KYNU: variants seen among roughly 807,000 people sequenced by gnomAD.
KYNU encodes kynureninase.
Under a neutral mutation model 59.2 loss-of-function variants are expected in KYNU, and 54 were observed. The ratio of observed to expected loss-of-function variants is 0.91; its 90% CI spans 0.73 to 1.14. The LOEUF (loss-of-function observed/expected upper bound fraction) is 1.14, where lower values mean the gene tolerates loss of function less well. KYNU is among the 50% of genes most tolerant of loss of function. The pLI, the probability that KYNU is intolerant of heterozygous loss-of-function variation, is 0.00. For missense variants in KYNU, 567 were observed against 554.4 expected, an observed-to-expected ratio of 1.02 and a Z score of -0.23; for synonymous variants, 177 against 192.0, an observed-to-expected ratio of 0.92 and a Z score of 0.65.
rs1685726330 is a variant in KYNU, at chr2:143,002,264, AT to A, written c.902+16244del. Among the ~76,000 whole-genome samples the A allele has an allele frequency of 3.3e-5, 5 of 152,346 alleles. 1 individual carries two copies. The highest frequency in any genetic ancestry group is 6.8e-3 in the Middle Eastern group (2 of 294). ...CTTTGTAAACAATCATATTGTACTT[AT>A]ACTTTTTCAGATATAAAGCACTTTT... On this transcript the variant is annotated intron_variant, in intron 10 of 13. Coordinates refer to ENST00000264170, the MANE Select transcript of KYNU (RefSeq NM_003937.3).
intron 5 of KYNU, 43 bp downstream of exon 5, chr2:142,954,914 C>T (rs1684114686): frequency 8.4e-7 from 1 of 1,197,150 alleles, no homozygotes; most frequent in Non-Finnish European, 1.2e-6. Flanking sequence ...CATTCATTTA[C>T]AGAATCTGAT....
rs1247168266 is a variant in KYNU, at chr2:143,055,675, G to T, written c.*13503G>T. 1.3e-5 allele frequency: 2 copies of T among 152,282 alleles called. No homozygotes were observed. Among genetic ancestry groups the T allele is most frequent in the Non-Finnish European group, 2.9e-5 (2 of 68,066 alleles). The allele number at this position is 152,282 out of a possible 1,614,324, so 9.4% of individuals were successfully genotyped here. A position where few individuals can be genotyped will look rare whatever the true frequency, so the allele number is the denominator to read the frequency against. On this transcript the variant is annotated 3_prime_UTR_variant, in exon 14 of 14. Coordinates refer to ENST00000264170, the MANE Select transcript of KYNU (RefSeq NM_003937.3). ...GGAAGGAAGGAAGGAAGGAAGGAAG[G>T]AAGGAAGGAAAGGGAGGAGAGGAGA...
At chr2:142,901,696 C>G (rs1376954064) in intron 2 of KYNU, among the ~76,000 whole-genome samples, 1 of 152,088 alleles carries the variant, frequency 6.6e-6, no homozygotes, top group African/African-American at 2.4e-5. Flanking sequence ...TACCCTTTTC[C>G]CTTTTTTTAA....
chr2:143,031,194 T>C (rs1451617994), intron 11 of KYNU, among the ~76,000 whole-genome samples: 1 of 152,212 alleles, frequency 6.6e-6, no homozygotes, highest in African/African-American at 2.4e-5. Context: ...TAATTAGATC[T>C]GTTATTATAC....
At chr2:142,887,085 G>T (rs1012339645) in intron 2 of KYNU, among the ~76,000 whole-genome samples, 1 of 152,084 alleles carries the variant, frequency 6.6e-6, no homozygotes, top group South Asian at 2.1e-4. Flanking sequence ...CAGGAGAATG[G>T]CTTGAACCCG....
rs915841874 is a variant in KYNU, at chr2:143,046,290, T to C, written c.*4118T>C. 6.6e-6 allele frequency: 1 copy of C among 152,208 alleles called. No individual in the cohort carries two copies. Among genetic ancestry groups the C allele is most frequent in the Non-Finnish European group, 1.5e-5 (1 of 68,044 alleles). 9.4% of individuals were successfully genotyped at this position (152,208 alleles called of 1,614,324 possible). A position where few individuals can be genotyped will look rare whatever the true frequency, so the allele number is the denominator to read the frequency against. On this transcript the variant is annotated 3_prime_UTR_variant, in exon 14 of 14. Coordinates refer to ENST00000264170, the MANE Select transcript of KYNU (RefSeq NM_003937.3). ...CATGAATATTGTATCAATGCAATTATACTGTATATATTCTGCTTTTGCACA... is the reference window on the plus strand; with the variant it reads ...CATGAATATTGTATCAATGCAATTACACTGTATATATTCTGCTTTTGCACA...
Position 143,042,209 on chromosome 2 carries a change from A to T in KYNU, c.*37A>T. On this transcript the variant is annotated 3_prime_UTR_variant, in exon 14 of 14. Transcript: ENST00000264170. ...AGAACAACTTAAGCAAATTATACTG[A>T]AAGCTGCTGTGGTTATTTCAGTATT... 6.3e-7 allele frequency: 1 copy of T among 1,595,848 alleles called. No homozygotes were observed. The highest frequency in any genetic ancestry group is 8.5e-7 in the Non-Finnish European group (1 of 1,169,642).
At chr2:142,879,120 A>T (rs6429989) in intron 1 of KYNU, among the ~76,000 whole-genome samples, 3 of 152,262 alleles carry the variant, frequency 2.0e-5, no homozygotes, top group African/African-American at 7.2e-5. Flanking sequence ...AACATGGCAT[A>T]ACATTATGGC....
Position 142,900,282 on chromosome 2 carries a change from C to T in KYNU, c.169+14746C>T, listed in dbSNP as rs114258988. On this transcript the variant is annotated intron_variant, in intron 2 of 13. Coordinates refer to ENST00000264170, the MANE Select transcript of KYNU (RefSeq NM_003937.3). Reference sequence around the variant, plus strand: ...GAGGTGGAAGTCAGTGGTGGGTCTGCAACGGTGGCAAACAGCAGTGGTGGA... The same window carrying T: ...GAGGTGGAAGTCAGTGGTGGGTCTGTAACGGTGGCAAACAGCAGTGGTGGA... 7.6e-3 allele frequency among the ~76,000 whole-genome samples: 1,161 copies of T among 152,220 alleles called. 7 individuals are homozygous for T. The highest frequency in any genetic ancestry group is 0.027 in the African/African-American group (1,113 of 41,544).
intron 1 of KYNU, among the ~76,000 whole-genome samples, chr2:142,882,343 AT>A (rs1681332018): frequency 6.7e-6 from 1 of 150,100 alleles, no homozygotes; most frequent in South Asian, 2.1e-4. Flanking sequence ...TTTTTTTTTA[AT>A]TATACTTTAA....
chr2:142,972,450 A>G (rs16855223), intron 8 of KYNU, among the ~76,000 whole-genome samples: 12,327 of 152,178 alleles, frequency 0.081, 681 homozygotes, highest in East Asian at 0.21. Context: ...ACTTTAAGCA[A>G]GCAGAGATGA....
Sources: gnomAD v4.1 joint callset for allele counts (sites outside exome capture counted in the v4.1 genomes callset) on GRCh38, gnomAD v4.1.1 for gene constraint, MANE v1.5 for transcripts, NCBI Gene and HGNC (gene_info 2026-07-23, HGNC 2026-07-21) for gene names.